Variants in ULK2 observed in about 807,000 individuals in gnomAD.
ULK2 encodes unc-51 like autophagy activating kinase 2, also known as serine/threonine-protein kinase ULK2.
A neutral mutation model predicts 127.5 loss-of-function variants in ULK2; 76 were observed. The ratio of observed to expected loss-of-function variants is 0.60; its 90% CI spans 0.50 to 0.72. The LOEUF is 0.72. ULK2 is among the 30% of genes least tolerant of loss of function. The probability of loss-of-function intolerance (pLI) is 0.00; values close to 1 mark genes in which losing one functional copy is unlikely to be tolerated. For missense variants in ULK2, 1,144 were observed against 1,295.9 expected, an observed-to-expected ratio of 0.88 and a Z score of 1.80; for synonymous variants, 452 against 461.9, an observed-to-expected ratio of 0.98 and a Z score of 0.28.
chr17:19,791,783 G>C (rs2087158309), intron 20 of ULK2, among the ~76,000 whole-genome samples: 2 of 150,618 alleles, frequency 1.3e-5, no homozygotes, highest in Admixed American at 6.6e-5. Flanking sequence ...GCTTGAACCT[G>C]GGAGGTGGAG....
rs755484577 is a variant in ULK2 at position 19,795,347 on chromosome 17, TA to T, written c.2101+274del. Among the ~76,000 whole-genome samples the T allele has an allele frequency of 7.3e-4, 60 of 82,758 alleles. No individual in the cohort carries two copies. In the South Asian group the frequency reaches 0.016, roughly 23 times the overall value. The allele number at this position is 82,758 out of a possible 152,430, so 54.3% of individuals were successfully genotyped here. A position where few individuals can be genotyped will look rare whatever the true frequency, so the allele number is the denominator to read the frequency against. On this transcript the variant is annotated intron_variant, in intron 20 of 26. Coordinates refer to ENST00000395544, the MANE Select transcript of ULK2 (RefSeq NM_014683.4). ...ACTTCGACCAGTATTACCCTACTGA[TA>T]AAAAAAAAAAAAAAAAAAAAAAAAA...
At chr17:19,792,027 AAAT>A (rs1190356460) in intron 20 of ULK2, among the ~76,000 whole-genome samples, 3 of 152,040 alleles carry the variant, frequency 2.0e-5, no homozygotes, top group Non-Finnish European at 4.4e-5. Flanking sequence ...TTCTTGAAAC[AAAT>A]AATAATGGAA....
At chr17:19,787,670 T>C (rs571418895) in intron 20 of ULK2, among the ~76,000 whole-genome samples, 134 of 152,326 alleles carry the variant, frequency 8.8e-4, no homozygotes, top group Non-Finnish European at 1.6e-3. Context: ...CAGAGTAAGA[T>C]GGCAAAATAG....
At chr17:19,808,062 C>T (rs2087552009) in intron 14 of ULK2, among the ~76,000 whole-genome samples, 1 of 152,136 alleles carries the variant, frequency 6.6e-6, no homozygotes, top group Non-Finnish European at 1.5e-5. Context: ...GCCGAAATCG[C>T]ACCATTGCAC....
At chr17:19,784,121 T>A (rs1249073744) in intron 21 of ULK2, 2 of 392,674 alleles carry the variant, frequency 5.1e-6, no homozygotes, top group African/African-American at 4.1e-5. Context: ...TTAGACATCA[T>A]CAGAGCTAGT....
At chr17:19,776,557 T>C in intron 26 of ULK2, 150 bp from the exon 27 acceptor site, 2 of 739,062 alleles carry the variant, frequency 2.7e-6, no homozygotes, top group Non-Finnish European at 4.3e-6. Flanking sequence ...AGCTTAGTGC[T>C]GCAAAGTGGT....
intron 3 of ULK2, chr17:19,861,039 G>C (rs971918121): frequency 2.0e-5 from 3 of 151,122 alleles, no homozygotes; most frequent in Admixed American, 6.6e-5. Flanking sequence ...ACTCCACCCT[G>C]GGCGACAAGA....
At chr17:19,813,106 A>G (rs886859524) in intron 13 of ULK2, among the ~76,000 whole-genome samples, 16 of 152,222 alleles carry the variant, frequency 1.1e-4, no homozygotes, top group Non-Finnish European at 1.8e-4. Flanking sequence ...ACTCCAGATA[A>G]TATCAGGTTT....
rs567784442 is a variant in ULK2, at chr17:19,826,294, A to C, written c.788-108T>G. 1.2e-5 allele frequency: 7 copies of C among 564,288 alleles called. No individual in the cohort carries two copies. In the South Asian group the frequency reaches 1.8e-4, roughly 15 times the overall value. 35.0% of individuals were successfully genotyped at this position (564,288 alleles called of 1,614,324 possible). A position where few individuals can be genotyped will look rare whatever the true frequency, so the allele number is the denominator to read the frequency against. ...TATAATGTCTTTGAGATCAGAATTT[A>C]ACTTCTTTATATAGGCTCCATTTCC... On this transcript the variant is annotated intron_variant, in intron 10 of 26. Coordinates refer to ENST00000395544, the MANE Select transcript of ULK2 (RefSeq NM_014683.4).
chr17:19,822,430 T>C (rs2041174095), intron 12 of ULK2, among the ~76,000 whole-genome samples: 1 of 151,444 alleles, frequency 6.6e-6, no homozygotes, highest in Non-Finnish European at 1.5e-5. Flanking sequence ...GGCATGATCT[T>C]GGCTCACTGC....
chr17:19,793,934 T>C (rs367383), intron 20 of ULK2, among the ~76,000 whole-genome samples: 145,580 of 152,302 alleles, frequency 0.96, 69,892 homozygotes, highest in African/African-American at 0.99. Flanking sequence ...TTTAAAGTAA[T>C]GATAATTAAT....
chr17:19,809,191 T>A (rs1408498074), intron 14 of ULK2, among the ~76,000 whole-genome samples: 1 of 152,232 alleles, frequency 6.6e-6, no homozygotes, highest in Non-Finnish European at 1.5e-5. Context: ...AAATGCTATA[T>A]GATTTCACTT....
At chr17:19,781,845 C>T (rs780421928) in intron 23 of ULK2, 44 bp downstream of exon 23, 3 of 1,591,748 alleles carry the variant, frequency 1.9e-6, no homozygotes, top group Non-Finnish European at 2.6e-6. Flanking sequence ...CAAGTTTAGA[C>T]AAAGCATGAA....
At chr17:19,808,433 G>A (rs1162903307) in intron 14 of ULK2, among the ~76,000 whole-genome samples, 2 of 152,026 alleles carry the variant, frequency 1.3e-5, no homozygotes, top group African/African-American at 4.8e-5. Flanking sequence ...ACACAAATAT[G>A]ACCTCCTCAA....
intron 10 of ULK2, among the ~76,000 whole-genome samples, chr17:19,837,873 T>C (rs907544630): frequency 6.6e-6 from 1 of 152,206 alleles, no homozygotes; most frequent in African/African-American, 2.4e-5. Context: ...CAGTCTATTC[T>C]CAAGCAGCAG....
intron 3 of ULK2, among the ~76,000 whole-genome samples, chr17:19,860,278 T>G (rs1457874364): frequency 6.6e-6 from 1 of 152,206 alleles, no homozygotes; most frequent in Non-Finnish European, 1.5e-5. Flanking sequence ...GCATTTCTTT[T>G]TAAGTGTCAT....
chr17:19,809,727 C>T (rs375637581), intron 14 of ULK2, among the ~76,000 whole-genome samples: 15 of 101,096 alleles, frequency 1.5e-4, no homozygotes, highest in Non-Finnish European at 2.8e-4. Flanking sequence ...GACGAGACTC[C>T]GTCTCAAAAA....
intron 4 of ULK2, 102 bp from the exon 5 acceptor site, chr17:19,849,507 T>C (rs951588636): frequency 3.3e-6 from 4 of 1,204,148 alleles, no homozygotes; most frequent in Non-Finnish European, 4.7e-6. Flanking sequence ...TATAATGTCA[T>C]GTAAATATAG....
chr17:19,803,575 C>CTAT (rs2087446993), intron 15 of ULK2, among the ~76,000 whole-genome samples: 1 of 152,206 alleles, frequency 6.6e-6, no homozygotes, highest in Non-Finnish European at 1.5e-5. Context: ...CTTTGAGAAC[C>CTAT]ACTGTACAAT....
Sources: allele counts gnomAD v4.1 joint callset (sites outside exome capture counted in the v4.1 genomes callset), GRCh38; gene constraint gnomAD v4.1.1; transcripts MANE v1.5; gene names NCBI Gene and HGNC (gene_info 2026-07-23, HGNC 2026-07-21).